CA10: variants seen among roughly 807,000 people sequenced by gnomAD.
CA10 encodes carbonic anhydrase-related protein 10.
CA10 carries 14 observed loss-of-function variants against 44.2 expected under a neutral mutation model. The ratio of observed to expected loss-of-function variants is 0.32; its 90% confidence interval spans 0.21 to 0.50. The LOEUF (loss-of-function observed/expected upper bound fraction) is 0.50. Ranked by LOEUF, CA10 falls within the 20% of genes least tolerant of loss-of-function variation. The pLI is 0.99. For synonymous variants in CA10, 159 were observed against 141.6 expected (o/e 1.12, Z -0.87); for missense variants, 350 against 409.7 (o/e 0.85, Z 1.26).
chr17:51,656,910 A>G (rs571667958), intron 4 of CA10, among the ~76,000 whole-genome samples: 1 of 152,344 alleles, frequency 6.6e-6, no homozygotes, highest in South Asian at 2.1e-4. Context: ...TAAGGAGCAC[A>G]TGCATCACCT....
chr17:51,745,274 C>G (rs1349571292), intron 4 of CA10, among the ~76,000 whole-genome samples: 1 of 152,118 alleles, frequency 6.6e-6, no homozygotes, highest in Non-Finnish European at 1.5e-5. Flanking sequence ...ACCAAAATCT[C>G]TTGGGGAAAG....
intron 4 of CA10, among the ~76,000 whole-genome samples, chr17:51,696,481 C>A (rs1389585260): frequency 1.3e-5 from 2 of 152,032 alleles, no homozygotes; most frequent in African/African-American, 2.4e-5. Context: ...TCTCTCTTTT[C>A]CTTTGGTAAT....
intron 1 of CA10, among the ~76,000 whole-genome samples, chr17:52,119,883 T>G (rs1194877659): frequency 1.3e-5 from 2 of 152,192 alleles, no homozygotes; most frequent in African/African-American, 4.8e-5. Context: ...ATAAGTTAAC[T>G]CTGATTATTC....
chr17:51,965,553 C>T (rs978258835), intron 2 of CA10, among the ~76,000 whole-genome samples: 1 of 151,990 alleles, frequency 6.6e-6, no homozygotes, highest in Admixed American at 6.6e-5. Flanking sequence ...GTTGGTTCAA[C>T]ATACACAAAT....
At chr17:51,816,763 AT>A (rs1311212648) in intron 3 of CA10, among the ~76,000 whole-genome samples, 3 of 152,226 alleles carry the variant, frequency 2.0e-5, no homozygotes, top group African/African-American at 7.2e-5. Context: ...CATATTACAA[AT>A]TTGTTGTATA....
intron 2 of CA10, among the ~76,000 whole-genome samples, chr17:51,968,037 A>AACTTTCCTC (rs1984145502): frequency 6.6e-6 from 1 of 151,796 alleles, no homozygotes; most frequent in Admixed American, 6.6e-5. Flanking sequence ...CCAGTTGAGA[A>AACTTTCCTC]CAGAGAGGAA....
chr17:51,908,421 G>T (rs944796434), intron 3 of CA10, among the ~76,000 whole-genome samples: 2 of 152,144 alleles, frequency 1.3e-5, no homozygotes, highest in Admixed American at 1.3e-4. Context: ...AACAAATTTT[G>T]AGTGTGTGAA....
At position 52,158,288 on chromosome 17, in the gene CA10, G is replaced by C. The variant is rs1240197899; in HGVS notation, c.-502C>G. 2 of 206,078 alleles carry C rather than the reference G, an allele frequency of 9.7e-6. No individual in the cohort carries two copies. Among genetic ancestry groups the C allele is most frequent in the African/African-American group, 2.4e-5 (1 of 42,484 alleles). The allele number at this position is 206,078 out of a possible 1,614,324, so 12.8% of individuals were successfully genotyped here. A position where few individuals can be genotyped will look rare whatever the true frequency, so the allele number is the denominator to read the frequency against. The stretch of plus-strand genomic sequence containing the variant: ...CTCGCTGGCTAAGCCCAGGCAGTCC[G>C]CGGCAAGTTGCCCTCGAAGTCCGCC... On this transcript the variant is annotated 5_prime_UTR_variant, in exon 1 of 9. Coordinates refer to ENST00000451037, the MANE Select transcript of CA10 (RefSeq NM_020178.5).
intron 3 of CA10, among the ~76,000 whole-genome samples, chr17:51,842,458 C>T (rs765291716): frequency 6.6e-6 from 1 of 152,080 alleles, no homozygotes; most frequent in African/African-American, 2.4e-5. Flanking sequence ...TAAACACTAC[C>T]GAGATTGAGT....
chr17:51,710,695 G>C (rs1158929048), intron 4 of CA10, among the ~76,000 whole-genome samples: 1 of 152,072 alleles, frequency 6.6e-6, no homozygotes, highest in Non-Finnish European at 1.5e-5. Flanking sequence ...TGAGCTTCCA[G>C]GAAGAGTGAA....
chr17:51,767,789 G>T (rs1471825816), intron 3 of CA10, among the ~76,000 whole-genome samples: 2 of 150,120 alleles, frequency 1.3e-5, no homozygotes, highest in Non-Finnish European at 2.9e-5. Context: ...CAGATCATCA[G>T]TCATTAGATT....
chr17:51,928,541 CATAAG>C lies in CA10; in HGVS notation c.279+2444_279+2448del, dbSNP rs1982521095. Among the ~76,000 whole-genome samples the C allele has an allele frequency of 4.6e-5, 7 of 152,214 alleles. No homozygotes were observed. In the South Asian group the frequency reaches 1.5e-3, roughly 32 times the overall value. On this transcript the variant is annotated intron_variant, in intron 3 of 8. Coordinates refer to ENST00000451037, the MANE Select transcript of CA10 (RefSeq NM_020178.5). ...CAGAGAGCTGCATCACAGTTTTGTG[CATAAG>C]ATACACTTGAACACCAGAAAGAATA...
At chr17:51,855,621 C>G (rs1979006354) in intron 3 of CA10, among the ~76,000 whole-genome samples, 1 of 152,208 alleles carries the variant, frequency 6.6e-6, no homozygotes, top group South Asian at 2.1e-4. Context: ...AAGCTACACA[C>G]AGATGTTCAT....
At chr17:52,045,315 AG>A (rs1986882301) in intron 2 of CA10, among the ~76,000 whole-genome samples, 1 of 152,004 alleles carries the variant, frequency 6.6e-6, no homozygotes, top group Non-Finnish European at 1.5e-5. Flanking sequence ...GAACTATTTA[AG>A]GAGGTACTAA....
At chr17:51,887,156 A>C (rs1264227300) in intron 3 of CA10, among the ~76,000 whole-genome samples, 1 of 151,908 alleles carries the variant, frequency 6.6e-6, no homozygotes, top group East Asian at 1.9e-4. Context: ...GGCTAATACA[A>C]TCTTATTCTT....
At chr17:51,786,590 C>A (rs1349217602) in intron 3 of CA10, among the ~76,000 whole-genome samples, 2 of 152,102 alleles carry the variant, frequency 1.3e-5, no homozygotes, top group East Asian at 3.9e-4. Context: ...CATCTGCAAA[C>A]AAGGATAATT....
intron 4 of CA10, among the ~76,000 whole-genome samples, chr17:51,732,694 G>A (rs1916763296): frequency 6.6e-6 from 1 of 152,152 alleles, no homozygotes; most frequent in African/African-American, 2.4e-5. Context: ...GAGGACATCA[G>A]ATCCTCTCGG....
At chr17:51,938,147 T>C (rs1021766186) in intron 2 of CA10, among the ~76,000 whole-genome samples, 3 of 152,194 alleles carry the variant, frequency 2.0e-5, no homozygotes, top group African/African-American at 4.8e-5. Context: ...GCTTCATTTC[T>C]CTAGCTGTAA....
chr17:51,881,732 A>G (rs920706386), intron 3 of CA10, among the ~76,000 whole-genome samples: 2 of 152,210 alleles, frequency 1.3e-5, no homozygotes, highest in Admixed American at 6.5e-5. Context: ...TCCCATATTA[A>G]GTTGTCAAAA....
Sources: allele counts gnomAD v4.1 joint callset (sites outside exome capture counted in the v4.1 genomes callset), GRCh38; gene constraint gnomAD v4.1.1; transcripts MANE v1.5; gene names NCBI Gene and HGNC (gene_info 2026-07-23, HGNC 2026-07-21).